TMEM132C: variants seen among roughly 807,000 people sequenced by gnomAD.
The protein encoded by TMEM132C is transmembrane protein 132C, also known as protein phosphatase 1, regulatory subunit 152.
A neutral mutation model predicts 61.4 loss-of-function variants in TMEM132C; 29 were observed. That is an observed-to-expected ratio of 0.47 (90% CI 0.35 to 0.64). TMEM132C has a LOEUF of 0.64. Among genes scored for constraint, TMEM132C ranks in the 30% least tolerant of loss-of-function variants. The pLI is 0.00. For missense variants in TMEM132C, 1,408 were observed against 1,476.9 expected (o/e 0.95, Z 0.76); for synonymous variants, 656 against 633.1 (o/e 1.04, Z -0.54).
intron 4 of TMEM132C, among the ~76,000 whole-genome samples, chr12:128,634,759 A>C (rs1019728738): frequency 6.6e-6 from 1 of 152,206 alleles, no homozygotes; most frequent in Non-Finnish European, 1.5e-5. Context: ...TCATTCCTTC[A>C]TTAGTTTTTC....
chr12:128,636,268 G>A (rs1164893544), intron 4 of TMEM132C, among the ~76,000 whole-genome samples: 1 of 152,014 alleles, frequency 6.6e-6, no homozygotes, highest in African/African-American at 2.4e-5. Flanking sequence ...GCCCAGGCTG[G>A]TCTCAAATTC....
chr12:128,487,542 C>T (rs1453117437), intron 2 of TMEM132C, among the ~76,000 whole-genome samples: 1 of 150,194 alleles, frequency 6.7e-6, no homozygotes, highest in Non-Finnish European at 1.5e-5. Context: ...ACGTGAAAGG[C>T]GTAGATCTTA....
chr12:128,295,279 C>T (rs1011969096), intron 1 of TMEM132C, among the ~76,000 whole-genome samples: 1 of 152,148 alleles, frequency 6.6e-6, no homozygotes, highest in African/African-American at 2.4e-5. Context: ...TCAAGCAGTC[C>T]TCCTGCCTCA....
intron 2 of TMEM132C, among the ~76,000 whole-genome samples, chr12:128,488,481 T>C (rs1322366899): frequency 1.3e-5 from 2 of 152,108 alleles, no homozygotes; most frequent in African/African-American, 4.8e-5. Context: ...GTCAACATGG[T>C]GAAACCCTGT....
chr12:128,563,415 C>T (rs1199449690), intron 3 of TMEM132C, among the ~76,000 whole-genome samples: 1 of 152,150 alleles, frequency 6.6e-6, no homozygotes, highest in Non-Finnish European at 1.5e-5. Flanking sequence ...AGTTTTCAAT[C>T]ACATGAGCAA....
intron 2 of TMEM132C, among the ~76,000 whole-genome samples, chr12:128,519,684 T>C (rs1457107604): frequency 6.6e-6 from 1 of 152,222 alleles, no homozygotes; most frequent in Non-Finnish European, 1.5e-5. Context: ...GTCTGTTGTA[T>C]TCTCATTAAT....
At chr12:128,314,826 T>G (rs1450258513) in intron 1 of TMEM132C, among the ~76,000 whole-genome samples, 1 of 152,116 alleles carries the variant, frequency 6.6e-6, no homozygotes, top group Non-Finnish European at 1.5e-5. Flanking sequence ...CAGAACTGTC[T>G]GAGAATAAAT....
At chr12:128,362,994 G>A (rs1191189247) in intron 1 of TMEM132C, among the ~76,000 whole-genome samples, 2 of 152,178 alleles carry the variant, frequency 1.3e-5, no homozygotes, top group African/African-American at 4.8e-5. Flanking sequence ...GATGAAGAGA[G>A]GGCCTGAGCA....
At chr12:128,611,258 C>T (rs753891747) in intron 3 of TMEM132C, among the ~76,000 whole-genome samples, 2 of 152,214 alleles carry the variant, frequency 1.3e-5, no homozygotes, top group Non-Finnish European at 2.9e-5. Flanking sequence ...CTTAAAGGGC[C>T]ATGGCTTTTT....
chr12:128,676,878 G>A (rs762193708), intron 5 of TMEM132C, among the ~76,000 whole-genome samples: 1 of 152,182 alleles, frequency 6.6e-6, no homozygotes, highest in Non-Finnish European at 1.5e-5. Flanking sequence ...GTATGATAAG[G>A]GCTGAGGAGT....
intron 1 of TMEM132C, among the ~76,000 whole-genome samples, chr12:128,297,230 G>T (rs1260122436): frequency 6.6e-6 from 1 of 152,156 alleles, no homozygotes; most frequent in Non-Finnish European, 1.5e-5. Flanking sequence ...GGGATAATAT[G>T]GTATTGACTG....
At chr12:128,276,673 T>C (rs1055794387) in intron 1 of TMEM132C, among the ~76,000 whole-genome samples, 1 of 152,204 alleles carries the variant, frequency 6.6e-6, no homozygotes, top group Admixed American at 6.5e-5. Context: ...AATTGGTCCC[T>C]CTGGCCCCAT....
At chr12:128,283,912 G>T (rs1168609709) in intron 1 of TMEM132C, among the ~76,000 whole-genome samples, 1 of 152,148 alleles carries the variant, frequency 6.6e-6, no homozygotes, top group Non-Finnish European at 1.5e-5. Flanking sequence ...GGCCTCTCCT[G>T]ATGGTGTTGG....
At chr12:128,318,252 A>G (rs1872217330) in intron 1 of TMEM132C, among the ~76,000 whole-genome samples, 1 of 152,218 alleles carries the variant, frequency 6.6e-6, no homozygotes, top group South Asian at 2.1e-4. Context: ...TTGCTGGACC[A>G]CAAATGGCTC....
chr12:128,469,842 G>A (rs976374056), intron 2 of TMEM132C, among the ~76,000 whole-genome samples: 6 of 151,118 alleles, frequency 4.0e-5, no homozygotes, highest in African/African-American at 1.5e-4. Context: ...ATACATAAAT[G>A]TACCTGTGTG....
intron 1 of TMEM132C, among the ~76,000 whole-genome samples, chr12:128,356,771 C>T (rs1254679601): frequency 6.6e-6 from 1 of 152,206 alleles, no homozygotes; most frequent in Non-Finnish European, 1.5e-5. Flanking sequence ...TCTGCCCGCT[C>T]TGGAGACCTC....
At chr12:128,452,914 T>A (rs1338393081) in intron 2 of TMEM132C, among the ~76,000 whole-genome samples, 1 of 152,176 alleles carries the variant, frequency 6.6e-6, no homozygotes, top group Non-Finnish European at 1.5e-5. Flanking sequence ...TAATATGAAG[T>A]TGTATTTTGT....
In TMEM132C at chr12:128,326,119, T is replaced by G. The variant is rs1353424607; in HGVS notation, c.85+58632T>G. Among the ~76,000 whole-genome samples, 1 of 152,116 alleles carries G rather than the reference T, an allele frequency of 6.6e-6. No homozygotes were observed. The highest frequency in any genetic ancestry group is 1.9e-4 in the East Asian group (1 of 5,186). ...ATGTTTCTTCAAAGATAAATATCACTTCTGTCAGGTGAATAAATACCATTT... is the reference window on the plus strand; with the variant it reads ...ATGTTTCTTCAAAGATAAATATCACGTCTGTCAGGTGAATAAATACCATTT... On this transcript the variant is annotated intron_variant, in intron 1 of 8. Coordinates refer to ENST00000435159, the MANE Select transcript of TMEM132C (RefSeq NM_001136103.3). The surrounding 1 kb of genome is among the most constrained non-coding windows in gnomAD (Gnocchi z 5.6).
chr12:128,442,667 G>A (rs1870724437), intron 2 of TMEM132C, among the ~76,000 whole-genome samples: 1 of 151,856 alleles, frequency 6.6e-6, no homozygotes, highest in Non-Finnish European at 1.5e-5. Flanking sequence ...AACATTAGGG[G>A]AAAATCATGC....
Sources: gnomAD v4.1 joint callset for allele counts (sites outside exome capture counted in the v4.1 genomes callset) on GRCh38, gnomAD v4.1.1 for gene constraint, Gnocchi (gnomAD v3.1) non-coding constraint, MANE v1.5 for transcripts, NCBI Gene and HGNC (gene_info 2026-07-23, HGNC 2026-07-21) for gene names.